The following ARHGAP24 variants were observed in gnomAD, a reference collection of about 807,000 sequenced individuals.
ARHGAP24 encodes the protein rho GTPase-activating protein 24.
A neutral mutation model predicts 76.4 loss-of-function variants in ARHGAP24; 50 were observed. That is an observed-to-expected ratio of 0.65 (90% CI 0.52 to 0.83). ARHGAP24 has a LOEUF of 0.83. Among genes scored for constraint, ARHGAP24 ranks in the 40% least tolerant of loss-of-function variants. The probability of loss-of-function intolerance (pLI) is 0.00; values close to 1 mark genes in which losing one functional copy is unlikely to be tolerated. For synonymous variants in ARHGAP24, 345 were observed against 323.3 expected (o/e 1.07, Z -0.72); for missense variants, 930 against 914.2 (o/e 1.02, Z -0.22).
intron 3 of ARHGAP24, among the ~76,000 whole-genome samples, chr4:85,735,752 C>G (rs1385836959): frequency 1.3e-5 from 2 of 152,140 alleles, no homozygotes; most frequent in South Asian, 4.1e-4. Flanking sequence ...CTCTTCTCTT[C>G]CATACACTGT....
chr4:85,615,796 C>G (rs571039645), intron 2 of ARHGAP24, among the ~76,000 whole-genome samples: 2 of 152,128 alleles, frequency 1.3e-5, no homozygotes, highest in Non-Finnish European at 2.9e-5. Flanking sequence ...TTTAAGAAAG[C>G]TAGTTTTTCA....
At chr4:85,497,676 T>C (rs538468368) in intron 1 of ARHGAP24, among the ~76,000 whole-genome samples, 2 of 152,152 alleles carry the variant, frequency 1.3e-5, no homozygotes, top group Non-Finnish European at 2.9e-5. Context: ...ACAAATTAGC[T>C]GGACGTGGTG....
chr4:85,861,703 T>C (rs1272260405), intron 3 of ARHGAP24, among the ~76,000 whole-genome samples: 1 of 152,104 alleles, frequency 6.6e-6, no homozygotes, highest in Admixed American at 6.6e-5. Flanking sequence ...TGTTACTTTA[T>C]TATTTTCTTC....
Position 85,923,652 on chromosome 4 carries a change from C to G in ARHGAP24, c.273C>G (p.Gly91=). 6.2e-7 allele frequency: 1 copy of G among 1,613,476 alleles called. No homozygotes were observed. The highest frequency in any genetic ancestry group is 8.5e-7 in the Non-Finnish European group (1 of 1,179,708). ...ATTGTTACTGTGTTTTCACAGGAGG[C>G]GATCGAGATCGGATGACAGCAAATC... ...GKFLFEVVPG[G]DRDRMTANHE... Residue 91 remains glycine, a synonymous_variant, in exon 4 of 10, where the codon GGC becomes GGG. Coordinates refer to ENST00000395184, the MANE Select transcript of ARHGAP24 (RefSeq NM_001025616.3).
intron 3 of ARHGAP24, among the ~76,000 whole-genome samples, chr4:85,876,845 A>G (rs944467444): frequency 2.0e-5 from 3 of 152,086 alleles, no homozygotes; most frequent in African/African-American, 7.2e-5. Flanking sequence ...CATAATAAGC[A>G]TGGTTTATAG....
intron 5 of ARHGAP24, among the ~76,000 whole-genome samples, chr4:85,970,339 G>A (rs1432882909): frequency 6.6e-6 from 1 of 152,100 alleles, no homozygotes; most frequent in Middle Eastern, 3.2e-3. Flanking sequence ...TCCAAACCCT[G>A]TCTTGTTATT....
At chr4:85,614,556 T>C (rs1236480640) in intron 2 of ARHGAP24, among the ~76,000 whole-genome samples, 1 of 152,054 alleles carries the variant, frequency 6.6e-6, no homozygotes, top group Non-Finnish European at 1.5e-5. Context: ...TTTATGAATA[T>C]TTGTTGTTAG....
chr4:85,978,859 G>A (rs1020286810), intron 8 of ARHGAP24, among the ~76,000 whole-genome samples: 3 of 152,040 alleles, frequency 2.0e-5, no homozygotes, highest in South Asian at 2.1e-4. Context: ...CTAATATCCA[G>A]AATTTTATAG....
intron 1 of ARHGAP24, among the ~76,000 whole-genome samples, chr4:85,551,838 G>GT (rs34604630): frequency 0.91 from 137,728 of 151,916 alleles, 63,620 homozygotes; most frequent in East Asian, 1. Flanking sequence ...GTCTCTGAGG[G>GT]TTTTTTTGTA....
At chr4:85,656,766 A>G (rs1302684491) in intron 2 of ARHGAP24, among the ~76,000 whole-genome samples, 1 of 150,056 alleles carries the variant, frequency 6.7e-6, no homozygotes, top group African/African-American at 2.5e-5. Context: ...ACGCCTGGCC[A>G]ATAAAGCTTA....
At chr4:85,927,683 A>C (rs764629201) in intron 4 of ARHGAP24, among the ~76,000 whole-genome samples, 43 of 152,348 alleles carry the variant, frequency 2.8e-4, no homozygotes, top group Non-Finnish European at 5.7e-4. Flanking sequence ...CTGATTTATC[A>C]ATCACAGTAT....
chr4:85,904,235 C>G lies in ARHGAP24; in HGVS notation c.269-19413C>G, dbSNP rs140856329. 8.4e-3 allele frequency among the ~76,000 whole-genome samples: 1,273 copies of G among 152,170 alleles called. 10 individuals are homozygous for G. The highest frequency in any genetic ancestry group is 0.014 in the Non-Finnish European group (936 of 68,012). The stretch of plus-strand genomic sequence containing the variant: ...CTGCTTCTAAGGAGGCCTCAGGGAG[C>G]TTTTACTCATGGCAGAAAGTGAACC... On this transcript the variant is annotated intron_variant, in intron 3 of 9. Transcript: ENST00000395184.
chr4:85,963,426 G>A (rs1738378853), intron 5 of ARHGAP24, among the ~76,000 whole-genome samples: 3 of 152,126 alleles, frequency 2.0e-5, no homozygotes, highest in Admixed American at 6.5e-5. Context: ...CAGCACTTAA[G>A]GTTTTAATTA....
chr4:85,615,293 T>C (rs1720510043), intron 2 of ARHGAP24, among the ~76,000 whole-genome samples: 1 of 152,156 alleles, frequency 6.6e-6, no homozygotes, highest in African/African-American at 2.4e-5. Context: ...ACATATATTG[T>C]ATTTATTTTA....
At chr4:85,787,405 T>C (rs981127414) in intron 3 of ARHGAP24, among the ~76,000 whole-genome samples, 2 of 152,216 alleles carry the variant, frequency 1.3e-5, no homozygotes, top group African/African-American at 4.8e-5. Flanking sequence ...TTAGACTCAA[T>C]GCTGACATTT....
At chr4:85,883,255 A>G (rs957694500) in intron 3 of ARHGAP24, among the ~76,000 whole-genome samples, 2 of 152,212 alleles carry the variant, frequency 1.3e-5, no homozygotes, top group Non-Finnish European at 2.9e-5. Flanking sequence ...CCTGGTTGAA[A>G]GGGCTTGTGA....
intron 2 of ARHGAP24, among the ~76,000 whole-genome samples, chr4:85,692,765 C>T (rs1406795652): frequency 2.6e-5 from 4 of 152,092 alleles, no homozygotes; most frequent in African/African-American, 9.7e-5. Flanking sequence ...TTCTGAATGT[C>T]GATAGCTTCC....
intron 3 of ARHGAP24, among the ~76,000 whole-genome samples, chr4:85,732,946 C>G (rs1007306437): frequency 6.6e-6 from 1 of 151,404 alleles, no homozygotes; most frequent in African/African-American, 2.4e-5. Flanking sequence ...GATGCACCTG[C>G]CTCGGCCTCC....
At chr4:85,570,474 TATAACAGAGCACCTC>T in intron 1 of ARHGAP24, 33 bp from the exon 2 acceptor site, 1 of 1,452,852 alleles carries the variant, frequency 6.9e-7, no homozygotes, top group Non-Finnish European at 9.5e-7. Flanking sequence ...GGGAGTTGAA[TATAACAGAGCACCTC>T]ATTATTTTCC....
Sources: gnomAD v4.1 joint callset for allele counts (sites outside exome capture counted in the v4.1 genomes callset) on GRCh38, gnomAD v4.1.1 for gene constraint, MANE v1.5 for transcripts, NCBI Gene and HGNC (gene_info 2026-07-23, HGNC 2026-07-21) for gene names.